KMT2C: variants seen among roughly 807,000 people sequenced by gnomAD.
The protein encoded by KMT2C is lysine methyltransferase 2C.
KMT2C carries 88 observed loss-of-function variants against 507.9 expected under a neutral mutation model. That is an observed-to-expected ratio of 0.17 (90% CI 0.15 to 0.21). The LOEUF (loss-of-function observed/expected upper bound fraction) is 0.21, where lower values mean the gene tolerates loss of function less well. KMT2C is among the 10% of genes least tolerant of loss of function. The pLI is 1.00. For missense variants in KMT2C, 4,954 were observed against 5,957.8 expected (o/e 0.83, Z 5.55); for synonymous variants, 2,049 against 2,080.8 (o/e 0.98, Z 0.42).
intron 6 of KMT2C, among the ~76,000 whole-genome samples, chr7:152,293,342 A>C (rs1192632230): frequency 1.3e-5 from 2 of 152,230 alleles, no homozygotes; most frequent in African/African-American, 4.8e-5. Flanking sequence ...ATAGTGCACA[A>C]CTAGAGAAAT....
intron 2 of KMT2C, among the ~76,000 whole-genome samples, chr7:152,331,711 C>T (rs1563892169): frequency 6.9e-6 from 1 of 144,078 alleles, no homozygotes; most frequent in African/African-American, 2.6e-5. Flanking sequence ...TGCAATGGCG[C>T]GATCTCGACT....
chr7:152,187,211 T>C (rs757144134), intron 33 of KMT2C, 51 bp downstream of exon 33: 1 of 1,460,474 alleles, frequency 6.8e-7, no homozygotes, highest in Non-Finnish European at 9.5e-7. Flanking sequence ...AAAAAAGGTA[T>C]TGCACATGTG....
intron 1 of KMT2C, among the ~76,000 whole-genome samples, chr7:152,369,896 A>T (rs977618378): frequency 1.3e-5 from 2 of 152,156 alleles, no homozygotes; most frequent in Non-Finnish European, 2.9e-5. Context: ...AGGGGATTTC[A>T]CTATAGACTC....
At chr7:152,166,682 A>G (rs2092742560) in intron 42 of KMT2C, among the ~76,000 whole-genome samples, 1 of 152,182 alleles carries the variant, frequency 6.6e-6, no homozygotes, top group Non-Finnish European at 1.5e-5. Context: ...AAATAATAAT[A>G]ATATCAACTC....
intron 2 of KMT2C, 118 bp downstream of exon 2, chr7:152,358,469 G>A (rs866358271): frequency 1.7e-6 from 1 of 600,468 alleles, no homozygotes; most frequent in African/African-American, 1.9e-5. Flanking sequence ...GGGAAACTTA[G>A]AGTTCAGTAT....
intron 7 of KMT2C, among the ~76,000 whole-genome samples, chr7:152,268,488 T>C (rs536117079): frequency 2.0e-5 from 3 of 152,316 alleles, no homozygotes; most frequent in East Asian, 1.9e-4. Flanking sequence ...TCAAGTCTTA[T>C]TGAACATATT....
At chr7:152,290,572 T>C (rs922082922) in intron 6 of KMT2C, among the ~76,000 whole-genome samples, 1 of 151,558 alleles carries the variant, frequency 6.6e-6, no homozygotes, top group African/African-American at 2.4e-5. Flanking sequence ...CCTCCCGAAG[T>C]GCTGGGATTA....
intron 1 of KMT2C, among the ~76,000 whole-genome samples, chr7:152,384,750 C>T (rs919901893): frequency 6.6e-6 from 1 of 152,308 alleles, no homozygotes; most frequent in African/African-American, 2.4e-5. Context: ...CTGGAAAATA[C>T]AGTGAACCTA....
intron 6 of KMT2C, among the ~76,000 whole-genome samples, chr7:152,299,765 G>C (rs2096550043): frequency 6.6e-6 from 1 of 151,678 alleles, no homozygotes; most frequent in Admixed American, 6.6e-5. Flanking sequence ...TTAAAAAGCA[G>C]AGGTTTTAGA....
chr7:152,413,452 T>G (rs566971132), intron 1 of KMT2C, among the ~76,000 whole-genome samples: 1 of 152,268 alleles, frequency 6.6e-6, no homozygotes, highest in South Asian at 2.1e-4. Flanking sequence ...CCATCTATAA[T>G]GAAATGTGAA....
At chr7:152,171,761 C>T (rs947213512) in intron 39 of KMT2C, among the ~76,000 whole-genome samples, 4 of 152,194 alleles carry the variant, frequency 2.6e-5, no homozygotes, top group Non-Finnish European at 5.9e-5. Flanking sequence ...GAAATGTTTT[C>T]TCATTCCAGT....
intron 9 of KMT2C, among the ~76,000 whole-genome samples, chr7:152,255,310 G>A (rs1007270392): frequency 2.6e-5 from 4 of 151,068 alleles, no homozygotes; most frequent in African/African-American, 7.3e-5. Context: ...GGGACTATAG[G>A]CGTGTGCCAC....
intron 31 of KMT2C, among the ~76,000 whole-genome samples, chr7:152,191,995 CA>C (rs1410582647): frequency 1.3e-5 from 2 of 149,940 alleles, no homozygotes; most frequent in African/African-American, 4.9e-5. Flanking sequence ...TAAGGGTAGG[CA>C]ACCTGATTCA....
chr7:152,193,834 G>C (rs2093881909), intron 31 of KMT2C, among the ~76,000 whole-genome samples, 175 bp downstream of exon 31: 1 of 152,096 alleles, frequency 6.6e-6, no homozygotes, highest in Non-Finnish European at 1.5e-5. Context: ...AGAATTTCAG[G>C]GAGACCGCTA....
chr7:152,178,362 A>AT (rs1161957935), intron 37 of KMT2C, among the ~76,000 whole-genome samples: 2 of 152,124 alleles, frequency 1.3e-5, no homozygotes, highest in African/African-American at 4.8e-5. Context: ...TCTTTTATCT[A>AT]TATTTAGGGA....
chr7:152,358,528 G>T, intron 2 of KMT2C, 59 bp downstream of exon 2: 1 of 1,025,810 alleles, frequency 9.7e-7, no homozygotes, highest in Non-Finnish European at 1.5e-6. Context: ...GCTACATGCA[G>T]TGTACAAACA....
chr7:152,310,640 C>A (rs1287487839), intron 5 of KMT2C, among the ~76,000 whole-genome samples: 2 of 152,030 alleles, frequency 1.3e-5, no homozygotes, highest in African/African-American at 2.4e-5. Flanking sequence ...TGCAGTGGGG[C>A]CCAGCAATCT....
intron 6 of KMT2C, among the ~76,000 whole-genome samples, chr7:152,301,065 G>GA (rs1414154002): frequency 6.7e-6 from 1 of 150,142 alleles, no homozygotes; most frequent in East Asian, 2.0e-4. Context: ...TCAAAAAAAA[G>GA]AAAAAAACTA....
intron 23 of KMT2C, among the ~76,000 whole-genome samples, chr7:152,214,095 C>T (rs374661308): frequency 2.0e-5 from 3 of 151,388 alleles, no homozygotes; most frequent in African/African-American, 7.3e-5. Context: ...GTGTAGAAAA[C>T]GAAACCTTTG....
Sources: gnomAD v4.1 joint callset for allele counts (sites outside exome capture counted in the v4.1 genomes callset) on GRCh38, gnomAD v4.1.1 for gene constraint, MANE v1.5 for transcripts, NCBI Gene and HGNC (gene_info 2026-07-23, HGNC 2026-07-21) for gene names.